Variants in ATG5 observed in about 807,000 individuals in gnomAD.
ATG5 encodes the protein autophagy related 5, also known as autophagy protein 5.
ATG5 carries 14 observed loss-of-function variants against 36.5 expected under a neutral mutation model. The observed-to-expected ratio is 0.38, with a 90% CI of 0.25 to 0.60. The LOEUF (loss-of-function observed/expected upper bound fraction) is 0.60, where lower values mean the gene tolerates loss of function less well. Among genes scored for constraint, ATG5 ranks in the 20% least tolerant of loss-of-function variants. The probability of loss-of-function intolerance (pLI) is 0.60; values close to 1 mark genes in which losing one functional copy is unlikely to be tolerated. For synonymous variants in ATG5, 95 were observed against 101.5 expected (o/e 0.94, Z 0.38); for missense variants, 195 against 326.7 (o/e 0.60, Z 3.11).
At chr6:106,211,449 G>A (rs1358714506) in intron 6 of ATG5, among the ~76,000 whole-genome samples, 6 of 152,174 alleles carry the variant, frequency 3.9e-5, no homozygotes, top group Admixed American at 6.5e-5. Context: ...GGTGGCTCAC[G>A]CCTGTAATCC....
chr6:106,264,129 C>A (rs1440725348), intron 5 of ATG5, among the ~76,000 whole-genome samples: 2 of 152,026 alleles, frequency 1.3e-5, no homozygotes, highest in African/African-American at 2.4e-5. Flanking sequence ...ACTAGAATAA[C>A]CCGTTTTGAG....
chr6:106,320,695 AATT>A (rs1771032986), intron 1 of ATG5, among the ~76,000 whole-genome samples: 2 of 152,202 alleles, frequency 1.3e-5, no homozygotes, highest in Admixed American at 6.5e-5. Context: ...AAATGCAAGC[AATT>A]ATTATCCCTC....
At chr6:106,254,386 T>C (rs911055424) in intron 5 of ATG5, among the ~76,000 whole-genome samples, 1 of 152,206 alleles carries the variant, frequency 6.6e-6, no homozygotes, top group African/African-American at 2.4e-5. Context: ...AAAGACTTTA[T>C]CTTCAGCCCT....
At chr6:106,224,358 A>G (rs1471959855) in intron 6 of ATG5, among the ~76,000 whole-genome samples, 3 of 152,238 alleles carry the variant, frequency 2.0e-5, no homozygotes, top group Non-Finnish European at 4.4e-5. Context: ...AATCAGTGCA[A>G]ATGGCAAGAA....
At chr6:106,235,734 G>A (rs527549929) in intron 6 of ATG5, among the ~76,000 whole-genome samples, 50 of 152,124 alleles carry the variant, frequency 3.3e-4, no homozygotes, top group African/African-American at 1.1e-3. Context: ...CATTCAAGCC[G>A]GCAACGGCTA....
chr6:106,246,392 T>TCTCACACACA (rs1387498156), intron 6 of ATG5, among the ~76,000 whole-genome samples: 4 of 129,570 alleles, frequency 3.1e-5, no homozygotes, highest in African/African-American at 1.2e-4. Context: ...TCTCTCTCTC[T>TCTCACACACA]CACACACACA....
chr6:106,315,566 A>G (rs1770809781), intron 2 of ATG5, among the ~76,000 whole-genome samples: 1 of 152,046 alleles, frequency 6.6e-6, no homozygotes, highest in Non-Finnish European at 1.5e-5. Flanking sequence ...TATATATTAC[A>G]TATTAGCTCA....
intron 6 of ATG5, among the ~76,000 whole-genome samples, chr6:106,244,335 T>C (rs1778248556): frequency 1.3e-5 from 2 of 152,296 alleles, no homozygotes; most frequent in Non-Finnish European, 1.5e-5. Context: ...TAATTAAAAA[T>C]CTCTTAAGAT....
chr6:106,263,780 A>T (rs1779118557), intron 5 of ATG5, among the ~76,000 whole-genome samples: 1 of 152,036 alleles, frequency 6.6e-6, no homozygotes, highest in Non-Finnish European at 1.5e-5. Context: ...ACAAAAAGAA[A>T]ATACAACATC....
chr6:106,197,976 G>C (rs1776267330), intron 7 of ATG5, among the ~76,000 whole-genome samples: 1 of 152,058 alleles, frequency 6.6e-6, no homozygotes, highest in Non-Finnish European at 1.5e-5. Flanking sequence ...GAGGTTTATG[G>C]GGTTTATCTC....
At chr6:106,298,411 C>G (rs138237598) in intron 3 of ATG5, among the ~76,000 whole-genome samples, 1 of 151,874 alleles carries the variant, frequency 6.6e-6, no homozygotes, top group Non-Finnish European at 1.5e-5. Context: ...ATTAGCTGGG[C>G]GTGGTGGCAT....
chr6:106,291,638 C>G (rs1018997485), intron 4 of ATG5, among the ~76,000 whole-genome samples: 1 of 152,052 alleles, frequency 6.6e-6, no homozygotes, highest in Non-Finnish European at 1.5e-5. Flanking sequence ...ATTTTTCACA[C>G]ACAAAAAAAT....
intron 6 of ATG5, among the ~76,000 whole-genome samples, chr6:106,203,708 G>A (rs577659659): frequency 1.3e-5 from 2 of 152,198 alleles, no homozygotes; most frequent in Admixed American, 6.5e-5. Context: ...AGCCTCCAGA[G>A]TAGCTGGGAC....
intron 1 of ATG5, among the ~76,000 whole-genome samples, chr6:106,323,260 CTTTTTTTTTT>C (rs71274321): frequency 3.1e-5 from 2 of 64,222 alleles, no homozygotes; most frequent in Non-Finnish European, 5.4e-5. Context: ...TGGAAAAGTC[CTTTTTTTTTT>C]TTTTTTTTTT....
chr6:106,246,330 T>G (rs958449144), intron 6 of ATG5, among the ~76,000 whole-genome samples: 1 of 151,878 alleles, frequency 6.6e-6, no homozygotes, highest in Non-Finnish European at 1.5e-5. Context: ...ACTTTCTATC[T>G]AATTATAGCA....
At chr6:106,304,240 A>G (rs1445409882) in intron 3 of ATG5, 1 of 152,182 alleles carries the variant, frequency 6.6e-6, no homozygotes, top group African/African-American at 2.4e-5. Context: ...GGCCCTGCAC[A>G]ACGATGACAC....
At position 106,279,833 on chromosome 6, in the gene ATG5, G is replaced by C; in HGVS notation, c.316-10C>G. 1 of 1,464,092 alleles carries C rather than the reference G, an allele frequency of 6.8e-7. No individual in the cohort carries two copies. Among genetic ancestry groups the C allele is most frequent in the Non-Finnish European group, 9.1e-7 (1 of 1,097,654 alleles). 90.7% of individuals were successfully genotyped at this position (1,464,092 alleles called of 1,614,324 possible). ...CTTTTTCTGGAAAACTCTATCAAAGGAAAAAATATACATATAAAACAGGAT... is the reference window on the plus strand; with the variant it reads ...CTTTTTCTGGAAAACTCTATCAAAGCAAAAAATATACATATAAAACAGGAT... On this transcript the variant is annotated splice_polypyrimidine_tract_variant and intron_variant, in intron 4 of 7. Transcript: ENST00000369076.
chr6:106,316,225 G>C lies in ATG5; in HGVS notation c.-17C>G. 1 of 1,599,146 alleles carries C rather than the reference G, an allele frequency of 6.3e-7. No homozygotes were observed. Among genetic ancestry groups the C allele is most frequent in the Non-Finnish European group, 8.6e-7 (1 of 1,166,862 alleles). ...ATCTGTCATTCTTCCAGGAGTTAAA[G>C]CAGTACATACAGGCTAAATTCTTAT... On this transcript the variant is annotated 5_prime_UTR_variant, in exon 2 of 8. Transcript: ENST00000369076.
At chr6:106,213,532 AT>A (rs554648339) in intron 6 of ATG5, among the ~76,000 whole-genome samples, 3 of 151,722 alleles carry the variant, frequency 2.0e-5, no homozygotes, top group Admixed American at 6.6e-5. Context: ...TGAAATACAT[AT>A]TTTTTTTTAA....
Sources: allele counts gnomAD v4.1 joint callset (sites outside exome capture counted in the v4.1 genomes callset), GRCh38; gene constraint gnomAD v4.1.1; transcripts MANE v1.5; gene names NCBI Gene and HGNC (gene_info 2026-07-23, HGNC 2026-07-21).